Variants in SPECC1 observed in about 807,000 individuals in gnomAD.
The protein encoded by SPECC1 is cytospin-B.
SPECC1 carries 62 observed loss-of-function variants against 104.1 expected under a neutral mutation model. The observed-to-expected ratio is 0.60, with a 90% CI of 0.49 to 0.74. The LOEUF (loss-of-function observed/expected upper bound fraction) is 0.74. SPECC1 is among the 30% of genes least tolerant of loss of function. The pLI, the probability that SPECC1 is intolerant of heterozygous loss-of-function variation, is 0.00. For synonymous variants in SPECC1, 513 were observed against 501.6 expected, an observed-to-expected ratio of 1.02 and a Z score of -0.30; for missense variants, 1,306 against 1,310.5, an observed-to-expected ratio of 1.00 and a Z score of 0.05.
rs976395821 is a variant in SPECC1, at chr17:20,117,724, A to G, written c.283+7162A>G. 2.0e-5 allele frequency among the ~76,000 whole-genome samples: 3 copies of G among 150,794 alleles called. No homozygotes were observed. In the East Asian group the frequency reaches 5.8e-4, roughly 29 times the overall value. ...GTCTCAAAAAAAAAAAAAAAAAAGA[A>G]AAGGAAAAATAATATAATAGAAATA... On this transcript the variant is annotated intron_variant, in intron 3 of 14. Transcript: ENST00000395527.
intron 1 of SPECC1, among the ~76,000 whole-genome samples, chr17:20,034,779 A>G (rs1597593571): frequency 6.6e-6 from 1 of 151,760 alleles, no homozygotes; most frequent in Non-Finnish European, 1.5e-5. Context: ...CTAATTTTGT[A>G]TTTTTAGTAG....
intron 3 of SPECC1, among the ~76,000 whole-genome samples, chr17:20,154,433 A>G (rs917936522): frequency 1.3e-5 from 2 of 152,258 alleles, no homozygotes; most frequent in South Asian, 4.1e-4. Context: ...TGTTGCAGGC[A>G]GAGGGAACAC....
chr17:20,069,351 T>A (rs1318133533), intron 1 of SPECC1, among the ~76,000 whole-genome samples: 1 of 152,226 alleles, frequency 6.6e-6, no homozygotes, highest in African/African-American at 2.4e-5. Flanking sequence ...AAAAGGTTTT[T>A]AATTTTTATG....
chr17:20,245,774 T>A, intron 7 of SPECC1, 152 bp from the exon 8 acceptor site: 2 of 877,594 alleles, frequency 2.3e-6, no homozygotes, highest in Non-Finnish European at 3.3e-6. Flanking sequence ...TTCCTAAAGA[T>A]GCAAACTGGT....
chr17:20,227,736 T>G, intron 5 of SPECC1, 116 bp downstream of exon 5: 1 of 916,136 alleles, frequency 1.1e-6, no homozygotes, highest in Non-Finnish European at 1.6e-6. Flanking sequence ...ACCAACATGG[T>G]GAAACCCTGT....
At chr17:20,019,828 A>G (rs956164877) in intron 1 of SPECC1, among the ~76,000 whole-genome samples, 2 of 152,116 alleles carry the variant, frequency 1.3e-5, no homozygotes, top group Non-Finnish European at 2.9e-5. Flanking sequence ...CCAAATGGCC[A>G]TCAGCTCTGC....
At chr17:20,037,773 C>G (rs892431025) in intron 1 of SPECC1, among the ~76,000 whole-genome samples, 25 of 152,110 alleles carry the variant, frequency 1.6e-4, no homozygotes, top group African/African-American at 6.0e-4. Flanking sequence ...AAACAAAGTT[C>G]TATTTTTCTG....
At chr17:20,155,255 T>C (rs1285391397) in intron 3 of SPECC1, 1 of 152,154 alleles carries the variant, frequency 6.6e-6, no homozygotes, top group Non-Finnish European at 1.5e-5. Flanking sequence ...GTGAACACAC[T>C]GTTTGGAGGC....
intron 12 of SPECC1, among the ~76,000 whole-genome samples, chr17:20,293,390 T>C (rs1199923152): frequency 6.6e-6 from 1 of 152,204 alleles, no homozygotes; most frequent in East Asian, 1.9e-4. Flanking sequence ...GCATTATTTC[T>C]CTTCATCCTG....
intron 14 of SPECC1, among the ~76,000 whole-genome samples, chr17:20,308,635 A>G (rs1419150378): frequency 1.3e-5 from 2 of 152,222 alleles, no homozygotes; most frequent in African/African-American, 4.8e-5. Context: ...GGTTGAATTT[A>G]TGCTTTAAAA....
chr17:20,193,899 G>A (rs1185153781), intron 3 of SPECC1, among the ~76,000 whole-genome samples: 5 of 152,196 alleles, frequency 3.3e-5, no homozygotes, highest in Admixed American at 2.0e-4. Context: ...CTGAGCAGCA[G>A]TCAGAGATCA....
At chr17:20,058,667 AG>A (rs1387258859) in intron 1 of SPECC1, among the ~76,000 whole-genome samples, 1 of 151,976 alleles carries the variant, frequency 6.6e-6, no homozygotes, top group Non-Finnish European at 1.5e-5. Flanking sequence ...TTTAAAAAAA[AG>A]TTTATTCATT....
intron 3 of SPECC1, among the ~76,000 whole-genome samples, chr17:20,182,551 G>A (rs1286095593): frequency 1.3e-5 from 2 of 152,108 alleles, no homozygotes; most frequent in Admixed American, 6.5e-5. Context: ...GTTGAATTGA[G>A]GCTTTGAAAG....
intron 1 of SPECC1, among the ~76,000 whole-genome samples, chr17:20,081,425 G>C (rs2046969379): frequency 6.6e-6 from 1 of 152,146 alleles, no homozygotes; most frequent in South Asian, 2.1e-4. Context: ...AGAGCACAGG[G>C]AATGAAGGGG....
intron 1 of SPECC1, among the ~76,000 whole-genome samples, chr17:20,026,967 T>C (rs1388143447): frequency 1.3e-5 from 2 of 152,152 alleles, no homozygotes; most frequent in African/African-American, 4.8e-5. Context: ...GTCTTTTTGA[T>C]AGTAGCCATT....
chr17:20,253,594 A>C lies in SPECC1; in HGVS notation c.2680+8A>C. 4 of 1,613,560 alleles carry C rather than the reference A, an allele frequency of 2.5e-6. No individual in the cohort carries two copies. The highest frequency in any genetic ancestry group is 3.4e-6 in the Non-Finnish European group (4 of 1,179,804). ...CTGACCTTCCCCTCTCAGGTAAATTATGTCAACATAAAGAACTTTTGACTT... is the reference window on the plus strand; with the variant it reads ...CTGACCTTCCCCTCTCAGGTAAATTCTGTCAACATAAAGAACTTTTGACTT... On this transcript the variant is annotated splice_region_variant and intron_variant, in intron 10 of 14. Transcript: ENST00000395527.
At chr17:20,309,575 A>C (rs2041869259) in intron 14 of SPECC1, among the ~76,000 whole-genome samples, 2 of 150,956 alleles carry the variant, frequency 1.3e-5, no homozygotes, top group Non-Finnish European at 2.9e-5. Context: ...TGTAGTCCCC[A>C]GTGTCTACTG....
At chr17:20,171,072 T>G (rs370459037) in intron 3 of SPECC1, among the ~76,000 whole-genome samples, 3 of 152,232 alleles carry the variant, frequency 2.0e-5, no homozygotes, top group African/African-American at 7.2e-5. Context: ...AAAACTGTTA[T>G]GAAAATTATC....
intron 9 of SPECC1, among the ~76,000 whole-genome samples, chr17:20,252,634 T>G (rs1404579460): frequency 1.3e-5 from 2 of 152,238 alleles, no homozygotes; most frequent in African/African-American, 4.8e-5. Flanking sequence ...CTTCAGTGAC[T>G]GGTGTATTTG....
Sources: allele counts gnomAD v4.1 joint callset (sites outside exome capture counted in the v4.1 genomes callset), GRCh38; gene constraint gnomAD v4.1.1; transcripts MANE v1.5; gene names NCBI Gene and HGNC (gene_info 2026-07-23, HGNC 2026-07-21).